PI4KA: variants seen among roughly 807,000 people sequenced by gnomAD.
PI4KA encodes phosphatidylinositol 4-kinase alpha, also known as PI4-kinase alpha.
In PI4KA, 122 loss-of-function variants were observed where a neutral mutation model predicts 271.4. The ratio of observed to expected loss-of-function variants is 0.45; its 90% CI spans 0.39 to 0.52. The LOEUF (loss-of-function observed/expected upper bound fraction) is 0.52, where lower values mean the gene tolerates loss of function less well. Ranked by LOEUF, PI4KA falls within the 20% of genes least tolerant of loss-of-function variation. The pLI, the probability that PI4KA is intolerant of heterozygous loss-of-function variation, is 0.00. For missense variants in PI4KA, 1,969 were observed against 2,769.1 expected (o/e 0.71, Z 6.48); for synonymous variants, 1,041 against 1,078.8 (o/e 0.96, Z 0.69).
intron 22 of PI4KA, among the ~76,000 whole-genome samples, chr22:20,763,768 G>C (rs1033198193): frequency 6.6e-6 from 1 of 152,110 alleles, no homozygotes; most frequent in African/African-American, 2.4e-5. Flanking sequence ...AATGAAAAAA[G>C]AACAAAGTCA....
chr22:20,750,646 C>T (rs1930578800), intron 27 of PI4KA, among the ~76,000 whole-genome samples: 1 of 152,208 alleles, frequency 6.6e-6, no homozygotes, highest in South Asian at 2.1e-4. Context: ...GAAGGGCAGG[C>T]TCTGCGTGGC....
intron 7 of PI4KA, 138 bp from the exon 8 acceptor site, chr22:20,813,644 T>G: frequency 2.9e-6 from 2 of 700,476 alleles, no homozygotes; most frequent in Non-Finnish European, 4.8e-6. Flanking sequence ...GTTTTTAAAT[T>G]AACAACTACA....
intron 3 of PI4KA, among the ~76,000 whole-genome samples, chr22:20,834,026 T>C (rs907985692): frequency 1.3e-5 from 2 of 152,118 alleles, no homozygotes; most frequent in South Asian, 4.1e-4. Flanking sequence ...AGTGCTAGAA[T>C]TACAGGAGTG....
At chr22:20,842,990 T>C (rs1163204672) in intron 1 of PI4KA, among the ~76,000 whole-genome samples, 1 of 145,188 alleles carries the variant, frequency 6.9e-6, no homozygotes, top group Non-Finnish European at 1.5e-5. Flanking sequence ...CCCAGCTACT[T>C]GGGAGGCTGA....
chr22:20,805,111 T>A lies in PI4KA; in HGVS notation c.1223A>T (p.Asn408Ile). The change falls in exon 11 of 55, where the codon AAC (asparagine) becomes ATC (isoleucine). Residue 408 changes from asparagine (N) to isoleucine (I), a missense_variant. By Grantham distance (149) the Asn-to-Ile change is moderately radical. Around this residue, in one of 13 missense-constraint regions of PI4KA, gnomAD observed 540 missense variants for 555.5 expected, o/e 0.97. Transcript: ENST00000255882. ...EIHDFVLEQFNTSQGELQKIL... is the reference protein window; with the variant it reads ...EIHDFVLEQFITSQGELQKIL... Reference sequence around the variant, plus strand: ...CTTCTGGAGCTCCCCCTGGCTCGTGTTGAACTGCTCCAGCACAAAATCATG... The same window carrying A: ...CTTCTGGAGCTCCCCCTGGCTCGTGATGAACTGCTCCAGCACAAAATCATG... The A allele has an allele frequency of 6.2e-7, 1 of 1,614,164 alleles. No homozygotes were observed.
chr22:20,853,827 C>T (rs1927278514), intron 1 of PI4KA, among the ~76,000 whole-genome samples: 1 of 151,888 alleles, frequency 6.6e-6, no homozygotes, highest in African/African-American at 2.4e-5. Context: ...GTAATCCCAG[C>T]ACTTTGGGAG....
At chr22:20,850,282 C>T (rs1340926123) in intron 1 of PI4KA, among the ~76,000 whole-genome samples, 1 of 151,536 alleles carries the variant, frequency 6.6e-6, no homozygotes, top group Non-Finnish European at 1.5e-5. Context: ...CGCCTGTTAA[C>T]ACCAGCACTT....
rs779184322 is a variant in PI4KA, at chr22:20,810,954, A to C, written c.1071+13T>G. 7.5e-6 allele frequency: 12 copies of C among 1,602,818 alleles called. No homozygotes were observed. The highest frequency in any genetic ancestry group is 3.3e-5 in the Admixed American group (2 of 59,984). On this transcript the variant is annotated intron_variant, in intron 9 of 54. Coordinates refer to ENST00000255882, the MANE Select transcript of PI4KA (RefSeq NM_058004.4). Reference sequence around the variant, plus strand: ...AGGCTGATCTCATGGTAATGCCCTCAGAAGCGACATACCTCCATCACACTG... The same window carrying C: ...AGGCTGATCTCATGGTAATGCCCTCCGAAGCGACATACCTCCATCACACTG...
At chr22:20,849,390 G>A (rs1310871651) in intron 1 of PI4KA, among the ~76,000 whole-genome samples, 13 of 152,168 alleles carry the variant, frequency 8.5e-5, no homozygotes, top group East Asian at 5.8e-4. Flanking sequence ...ACACTTGTAC[G>A]TGAATTTCCA....
chr22:20,796,637 T>C lies in PI4KA; in HGVS notation c.2109-323A>G, dbSNP rs565364085. The stretch of plus-strand genomic sequence containing the variant: ...GGTCTCAGGACACTTCCCTCAGGGC[T>C]GAAAATGAAAGGGCCCATGCCCAGG... On this transcript the variant is annotated intron_variant, in intron 17 of 54. Transcript: ENST00000255882. Among the ~76,000 whole-genome samples the C allele has an allele frequency of 3.3e-5, 5 of 152,372 alleles. No homozygotes were observed. The East Asian group carries it at 7.7e-4, about 24-fold the overall frequency.
chr22:20,796,199 G>A lies in PI4KA; in HGVS notation c.2224C>T (p.Leu742=). 1 of 1,614,034 alleles carries A rather than the reference G, an allele frequency of 6.2e-7. No homozygotes were observed. Among genetic ancestry groups the A allele is most frequent in the Non-Finnish European group, 8.5e-7 (1 of 1,179,964 alleles). The change falls in exon 18 of 55, where the codon CTG becomes TTG. Residue 742 remains leucine (L), a synonymous_variant. Transcript: ENST00000255882. ...NLLELFVQLG[L]EGKRASERAS... ...CTCTCGCTGGCTCGCTTCCCCTCCAGCCCCAGCTGCACAAACAACTCCAAC... is the reference window on the plus strand; with the variant it reads ...CTCTCGCTGGCTCGCTTCCCCTCCAACCCCAGCTGCACAAACAACTCCAAC...
In PI4KA at chr22:20,707,849, C is replaced by A; in HGVS notation, c.*198G>T. 2.9e-6 allele frequency: 2 copies of A among 681,998 alleles called. No homozygotes were observed. The highest frequency in any genetic ancestry group is 5.2e-5 in the East Asian group (2 of 38,522). 42.2% of individuals were successfully genotyped at this position (681,998 alleles called of 1,614,324 possible). On this transcript the variant is annotated 3_prime_UTR_variant, in exon 55 of 55. Coordinates refer to ENST00000255882, the MANE Select transcript of PI4KA (RefSeq NM_058004.4). The stretch of plus-strand genomic sequence containing the variant: ...CACACCTGTGCATAGACAGCACCAT[C>A]CATTGATTGTCGCTGCAGTCCATGG...
At chr22:20,738,525 G>T (rs991616568) in intron 32 of PI4KA, among the ~76,000 whole-genome samples, 1 of 152,204 alleles carries the variant, frequency 6.6e-6, no homozygotes, top group Non-Finnish European at 1.5e-5. Context: ...AACAGCAAGT[G>T]TGACATCTCT....
chr22:20,775,320 T>C (rs2147456452), intron 19 of PI4KA, among the ~76,000 whole-genome samples: 1 of 152,364 alleles, frequency 6.6e-6, no homozygotes, highest in Non-Finnish European at 1.5e-5. Flanking sequence ...CAATGTTTGT[T>C]ATACTAAATA....
chr22:20,779,629 C>G (rs373327821), intron 19 of PI4KA: 3 of 1,614,112 alleles, frequency 1.9e-6, no homozygotes, highest in South Asian at 1.1e-5. Context: ...CCGACAGACT[C>G]TGATGTGAGT....
At chr22:20,841,668 G>A (rs950238581) in intron 1 of PI4KA, among the ~76,000 whole-genome samples, 1 of 152,152 alleles carries the variant, frequency 6.6e-6, no homozygotes, top group African/African-American at 2.4e-5. Flanking sequence ...CCTGGAAGCT[G>A]TGAATATGTT....
At chr22:20,793,298 A>G in intron 18 of PI4KA, 55 bp from the exon 19 acceptor site, 1 of 998,602 alleles carries the variant, frequency 1.0e-6, no homozygotes, top group Non-Finnish European at 1.6e-6. Flanking sequence ...TTTATTAAAA[A>G]AAAAAAACAC....
chr22:20,810,973 C>T lies in PI4KA; in HGVS notation c.1065G>A (p.Val355=). The T allele has an allele frequency of 6.2e-7, 1 of 1,612,102 alleles. No homozygotes were observed. Among genetic ancestry groups the T allele is most frequent in the Non-Finnish European group, 8.5e-7 (1 of 1,178,170 alleles). The part of the protein sequence containing the change: ...LKSLDAIVAS[V]MEANPSADLY... ...GCCCTCAGAAGCGACATACCTCCAT[C>T]ACACTGGCTACAATGGCATCCAAAG... is the stretch of plus-strand genomic sequence containing the variant. Residue 355 remains valine (V), a synonymous_variant, in exon 9 of 55, where the codon GTG becomes GTA. Transcript: ENST00000255882.
intron 19 of PI4KA, among the ~76,000 whole-genome samples, chr22:20,788,412 G>A (rs768943482): frequency 1.1e-4 from 17 of 152,166 alleles, no homozygotes; most frequent in Non-Finnish European, 1.9e-4. Flanking sequence ...ATGCCTGTGG[G>A]TTATCTCACA....
Sources: gnomAD v4.1 joint callset for allele counts (sites outside exome capture counted in the v4.1 genomes callset) on GRCh38, gnomAD v4.1.1 for gene constraint, gnomAD v4.1.1 regional missense constraint, MANE v1.5 for transcripts, NCBI Gene and HGNC (gene_info 2026-07-23, HGNC 2026-07-21) for gene names.